PBRM1: variants seen among roughly 807,000 people sequenced by gnomAD.
The protein encoded by PBRM1 is protein polybromo-1.
A neutral mutation model predicts 194.5 loss-of-function variants in PBRM1; 27 were observed. That is an observed-to-expected ratio of 0.14 (90% confidence interval 0.10 to 0.19). The LOEUF (loss-of-function observed/expected upper bound fraction) is 0.19. Among genes scored for constraint, PBRM1 ranks in the 10% least tolerant of loss-of-function variants. The pLI is 1.00. For missense variants in PBRM1, 1,466 were observed against 2,077.2 expected, an observed-to-expected ratio of 0.71 and a Z score of 5.72; for synonymous variants, 655 against 693.2, an observed-to-expected ratio of 0.94 and a Z score of 0.87.
At chr3:52,670,294 C>T (rs901356807) in intron 2 of PBRM1, among the ~76,000 whole-genome samples, 1 of 152,150 alleles carries the variant, frequency 6.6e-6, no homozygotes, top group South Asian at 2.1e-4. Context: ...AACAGGGTCC[C>T]CCCATTTCAA....
At chr3:52,557,771 G>C (rs188272143) in intron 26 of PBRM1, among the ~76,000 whole-genome samples, 1 of 152,244 alleles carries the variant, frequency 6.6e-6, no homozygotes, top group Non-Finnish European at 1.5e-5. Context: ...GACCAAGAAA[G>C]GATTTACAAT....
intron 11 of PBRM1, 58 bp downstream of exon 12, chr3:52,634,544 G>T (rs1016115614): frequency 1.7e-5 from 18 of 1,089,428 alleles, no homozygotes; most frequent in Middle Eastern, 2.8e-4. Flanking sequence ...AATACATTAT[G>T]TGCAGGCTCA....
At chr3:52,644,131 ATATAT>A (rs2096215544) in intron 8 of PBRM1, among the ~76,000 whole-genome samples, 1 of 151,742 alleles carries the variant, frequency 6.6e-6, no homozygotes, top group Non-Finnish European at 1.5e-5. Flanking sequence ...AATATATACC[ATATAT>A]TATATATGTA....
rs2092428831 is a variant in PBRM1, at chr3:52,586,696, G to A, written c.3124-8C>T. 6.3e-7 allele frequency: 1 copy of A among 1,578,024 alleles called. No individual in the cohort carries two copies. The highest frequency in any genetic ancestry group is 8.7e-7 in the Non-Finnish European group (1 of 1,155,172). On this transcript the variant is annotated splice_polypyrimidine_tract_variant and splice_region_variant and intron_variant, in intron 19 of 29. Coordinates refer to ENST00000296302, the Ensembl canonical transcript of PBRM1. ...GCATAACTTAAAGTATTCCTGGGGG[G>A]TGGGGAGGGCATAAGAATAAAACTA...
intron 11 of PBRM1, among the ~76,000 whole-genome samples, 177 bp from the exon 13 acceptor site, chr3:52,629,212 A>G (rs1399639931): frequency 6.6e-6 from 1 of 152,234 alleles, no homozygotes; most frequent in Non-Finnish European, 1.5e-5. Context: ...GCACCATTAC[A>G]TTAAGGTAAT....
upstream of PBRM1, chr3:52,679,722 T>A (rs1364332392): frequency 6.2e-7 from 1 of 1,611,970 alleles, no homozygotes. Flanking sequence ...GGAATCCAAC[T>A]TCTTCTATAA....
intron 7 of PBRM1, 107 bp from the exon 9 acceptor site, chr3:52,644,896 G>A: frequency 1.9e-6 from 1 of 522,148 alleles, no homozygotes; most frequent in South Asian, 2.4e-5. Context: ...TCTACTTGGA[G>A]CAGACTTCCA....
intron 11 of PBRM1, among the ~76,000 whole-genome samples, chr3:52,631,509 A>T (rs2095618229): frequency 6.6e-6 from 1 of 152,104 alleles, no homozygotes; most frequent in Non-Finnish European, 1.5e-5. Flanking sequence ...TCTACTATAA[A>T]GCATCATATT....
intron 9 of PBRM1, 45 bp from the exon 11 acceptor site, chr3:52,642,090 T>C: frequency 2.0e-6 from 2 of 996,554 alleles, no homozygotes; most frequent in Non-Finnish European, 3.2e-6. Context: ...GATGTTATAA[T>C]AATTAGGTTA....
intron 17 of PBRM1, among the ~76,000 whole-genome samples, chr3:52,597,323 C>T (rs2093644897): frequency 6.6e-6 from 1 of 151,672 alleles, no homozygotes; most frequent in Non-Finnish European, 1.5e-5. Flanking sequence ...ATTTGGTGTT[C>T]CTGTGGGGAG....
At chr3:52,659,448 T>A (rs1161347766) in intron 4 of PBRM1, among the ~76,000 whole-genome samples, 6 of 152,120 alleles carry the variant, frequency 3.9e-5, no homozygotes, top group African/African-American at 1.4e-4. Flanking sequence ...TTTTTTTTCC[T>A]CCCCACTCTG....
At chr3:52,564,006 G>T in intron 23 of PBRM1, 44 bp downstream of exon 25, 2 of 1,333,510 alleles carry the variant, frequency 1.5e-6, no homozygotes, top group Non-Finnish European at 2.1e-6. Context: ...GTTGCTATCA[G>T]TTAATGGAAG....
At chr3:52,650,598 C>G (rs181348143) in intron 6 of PBRM1, among the ~76,000 whole-genome samples, 2 of 152,184 alleles carry the variant, frequency 1.3e-5, no homozygotes, top group East Asian at 3.9e-4. Flanking sequence ...TGCCTTACCT[C>G]CTGGGAGCAG....
At chr3:52,645,280 T>TC (rs961249284) in intron 7 of PBRM1, among the ~76,000 whole-genome samples, 2 of 151,816 alleles carry the variant, frequency 1.3e-5, no homozygotes, top group Admixed American at 6.6e-5. Flanking sequence ...TTCTTTTTTT[T>TC]CCTTCTTTAC....
rs901793891 is a variant in PBRM1 at position 52,576,486 on chromosome 3, T to G, written c.3691+55A>C. The G allele has an allele frequency of 5.1e-6, 7 of 1,372,398 alleles. No homozygotes were observed. In the African/African-American group the frequency reaches 7.3e-5, roughly 14 times the overall value. The allele number at this position is 1,372,398 out of a possible 1,614,324, so 85.0% of individuals were successfully genotyped here. On this transcript the variant is annotated intron_variant, in intron 22 of 29. Coordinates refer to ENST00000296302, the Ensembl canonical transcript of PBRM1. The stretch of plus-strand genomic sequence containing the variant: ...AGAACAGTGCCCCACAGAAGTAGTA[T>G]TCCATCAATTTTGATGGAATAAACA...
chr3:52,584,450 CTTT>C (rs397989611), intron 20 of PBRM1, among the ~76,000 whole-genome samples: 5 of 60,744 alleles, frequency 8.2e-5, no homozygotes, highest in East Asian at 5.6e-4. Flanking sequence ...AGTATTCTTG[CTTT>C]TTTTTTTTTT....
At chr3:52,658,411 A>ATT in intron 4 of PBRM1, 96 bp from the exon 6 acceptor site, 1 of 612,036 alleles carries the variant, frequency 1.6e-6, no homozygotes, top group South Asian at 2.0e-5. Flanking sequence ...CAAAACAGCA[A>ATT]CTTTTTTTTT....
chr3:52,559,585 C>T (rs1575587058), intron 25 of PBRM1, among the ~76,000 whole-genome samples: 1 of 152,106 alleles, frequency 6.6e-6, no homozygotes, highest in East Asian at 1.9e-4. Context: ...ACACATAAAC[C>T]CTTTAACATG....
At chr3:52,608,254 A>T (rs1023673183) in intron 16 of PBRM1, among the ~76,000 whole-genome samples, 1 of 152,200 alleles carries the variant, frequency 6.6e-6, no homozygotes, top group Non-Finnish European at 1.5e-5. Flanking sequence ...TCTGCAGTGG[A>T]GAGCAAGACA....
Sources: gnomAD v4.1 joint callset for allele counts (sites outside exome capture counted in the v4.1 genomes callset) on GRCh38, gnomAD v4.1.1 for gene constraint, MANE v1.5 for transcripts, NCBI Gene and HGNC (gene_info 2026-07-23, HGNC 2026-07-21) for gene names.